DCUN1D4: variants seen among roughly 807,000 people sequenced by gnomAD.
DCUN1D4 encodes defective in cullin neddylation 1 domain containing 4.
DCUN1D4 carries 22 observed loss-of-function variants against 47.9 expected under a neutral mutation model. The ratio of observed to expected loss-of-function variants is 0.46; its 90% CI spans 0.33 to 0.66. DCUN1D4 has a LOEUF of 0.66. DCUN1D4 is among the 30% of genes least tolerant of loss of function. The probability of loss-of-function intolerance (pLI) is 0.02; values close to 1 mark genes in which losing one functional copy is unlikely to be tolerated. For missense variants in DCUN1D4, 301 were observed against 340.8 expected, an observed-to-expected ratio of 0.88 and a Z score of 0.92; for synonymous variants, 121 against 112.2, an observed-to-expected ratio of 1.08 and a Z score of -0.50.
intron 7 of DCUN1D4, among the ~76,000 whole-genome samples, chr4:51,897,202 G>A (rs1731401816): frequency 6.6e-6 from 1 of 152,016 alleles, no homozygotes; most frequent in South Asian, 2.1e-4. Context: ...TTCCACATTA[G>A]GAAGAAATAA....
At chr4:51,911,989 A>G (rs533389252) in intron 9 of DCUN1D4, among the ~76,000 whole-genome samples, 2 of 152,166 alleles carry the variant, frequency 1.3e-5, no homozygotes, top group Non-Finnish European at 2.9e-5. Context: ...CTTTCTCACA[A>G]CTTACTTTAT....
intron 7 of DCUN1D4, among the ~76,000 whole-genome samples, chr4:51,893,578 C>T (rs576831213): frequency 1.8e-3 from 275 of 152,176 alleles, no homozygotes; most frequent in African/African-American, 6.1e-3. Flanking sequence ...AAGCAGACAC[C>T]GCCACGCCCG....
rs1477445081 is a variant in DCUN1D4 at position 51,871,264 on chromosome 4, CTT to C, written c.137-3004_137-3003del. Among the ~76,000 whole-genome samples the C allele has an allele frequency of 3.9e-5, 6 of 151,996 alleles. No individual in the cohort carries two copies. The East Asian group carries it at 1.2e-3, about 29-fold the overall frequency. On this transcript the variant is annotated intron_variant, in intron 3 of 10. Coordinates refer to ENST00000334635, the MANE Select transcript of DCUN1D4 (RefSeq NM_001040402.3). ...ACACAAGAAAAAAGTATTTGTGAAA[CTT>C]TTAATAGAAAGCATTTATCAATAAG...
intron 1 of DCUN1D4, among the ~76,000 whole-genome samples, chr4:51,853,894 G>A (rs1045958135): frequency 3.3e-5 from 5 of 152,208 alleles, no homozygotes; most frequent in Admixed American, 6.5e-5. Flanking sequence ...TGACATAATA[G>A]CCAATTCTTG....
Position 51,887,169 on chromosome 4 carries a change from C to T in DCUN1D4, c.414+531C>T, listed in dbSNP as rs537935649. On this transcript the variant is annotated intron_variant, in intron 6 of 10. Coordinates refer to ENST00000334635, the MANE Select transcript of DCUN1D4 (RefSeq NM_001040402.3). ...AGGCTGGAGTGCAATGGTATGATGT[C>T]GGCTCACTGCAACCTCTGCCTCCCG... The T allele has an allele frequency of 4.5e-5, 20 of 440,198 alleles. No homozygotes were observed. In the East Asian group the frequency reaches 9.4e-4, roughly 21 times the overall value. The allele number at this position is 440,198 out of a possible 1,614,324, so 27.3% of individuals were successfully genotyped here. A position where few individuals can be genotyped will look rare whatever the true frequency, so the allele number is the denominator to read the frequency against.
At chr4:51,849,170 C>A (rs956551430) in intron 1 of DCUN1D4, among the ~76,000 whole-genome samples, 1 of 152,180 alleles carries the variant, frequency 6.6e-6, no homozygotes, top group Non-Finnish European at 1.5e-5. Flanking sequence ...CCCTGGCAGG[C>A]AGATCTTCTC....
intron 9 of DCUN1D4, 111 bp from the exon 10 acceptor site, chr4:51,913,177 CAG>C (rs1256924006): frequency 3.7e-5 from 23 of 627,120 alleles, no homozygotes; most frequent in Non-Finnish European, 5.1e-5. Flanking sequence ...AAACCTCAAA[CAG>C]AAAGAGTTAA....
intron 5 of DCUN1D4, among the ~76,000 whole-genome samples, chr4:51,885,492 G>A (rs1252097693): frequency 6.6e-6 from 1 of 152,136 alleles, no homozygotes; most frequent in East Asian, 1.9e-4. Context: ...CCGTTTTAGT[G>A]AGGCAGTGTT....
rs570129352 is a variant in DCUN1D4, at chr4:51,867,158, G to A, written c.136+3449G>A. Among the ~76,000 whole-genome samples, 5 of 152,372 alleles carry A rather than the reference G, an allele frequency of 3.3e-5. No homozygotes were observed. In the South Asian group the frequency reaches 1.0e-3, roughly 32 times the overall value. On this transcript the variant is annotated intron_variant, in intron 3 of 10. Transcript: ENST00000334635. ...TCTGTGCGAGGCTGCAGCTGGACCAGATGTACTGCATGTGGCTTCCACTGT... is the reference window on the plus strand; with the variant it reads ...TCTGTGCGAGGCTGCAGCTGGACCAAATGTACTGCATGTGGCTTCCACTGT...
chr4:51,887,902 T>C (rs1729757987), intron 6 of DCUN1D4, among the ~76,000 whole-genome samples: 2 of 150,464 alleles, frequency 1.3e-5, no homozygotes, highest in Non-Finnish European at 3.0e-5. Context: ...GTTTTTTTTT[T>C]GGTTTTTTTT....
chr4:51,910,931 A>C (rs1733633253), intron 8 of DCUN1D4, 139 bp from the exon 9 acceptor site: 1 of 763,690 alleles, frequency 1.3e-6, no homozygotes, highest in African/African-American at 1.8e-5. Context: ...CCCTAACCTT[A>C]GTCTGGATGC....
intron 6 of DCUN1D4, 154 bp downstream of exon 6, chr4:51,886,792 T>C: frequency 1.7e-5 from 11 of 633,082 alleles, no homozygotes; most frequent in East Asian, 5.7e-5. Context: ...GTTTGACTTA[T>C]AAGCAGATTC....
chr4:51,885,351 C>G (rs1245956088), intron 5 of DCUN1D4, among the ~76,000 whole-genome samples: 1 of 152,130 alleles, frequency 6.6e-6, no homozygotes, highest in Admixed American at 6.5e-5. Context: ...TGGTAGTACA[C>G]TTGATAATTG....
At chr4:51,834,096 CTTCTTTCTTTTTTTTTTCT>C in the DCUN1D4 span, among the ~76,000 whole-genome samples, 1 of 43,582 alleles carries the variant, frequency 2.3e-5, no homozygotes. Flanking sequence ...CTTTTCTTTT[CTTCTTTCTTTTTTTTTTCT>C]TTTTTTTTTT....
At chr4:51,858,287 A>G (rs1011284225) in intron 1 of DCUN1D4, among the ~76,000 whole-genome samples, 37 of 152,286 alleles carry the variant, frequency 2.4e-4, no homozygotes, top group Admixed American at 1.4e-3. Context: ...CAACCATGTT[A>G]TTATTAGGGG....
upstream of DCUN1D4, among the ~76,000 whole-genome samples, chr4:51,839,687 G>A (rs1010006344): frequency 6.6e-6 from 1 of 152,230 alleles, no homozygotes; most frequent in African/African-American, 2.4e-5. Context: ...GTAATCTAAG[G>A]CCAAATTAAT....
chr4:51,848,203 A>G (rs780405828), intron 1 of DCUN1D4: 53 of 1,288,676 alleles, frequency 4.1e-5, no homozygotes, highest in African/African-American at 1.5e-5. Context: ...TCAAACATGC[A>G]GATATCAGTT....
intron 3 of DCUN1D4, among the ~76,000 whole-genome samples, chr4:51,869,918 G>T (rs1577917897): frequency 6.6e-6 from 1 of 152,136 alleles, no homozygotes; most frequent in Admixed American, 6.5e-5. Context: ...GAACCCAAAA[G>T]AAATGAATCT....
intron 1 of DCUN1D4, 24 bp downstream of exon 1, chr4:51,843,291 CGGGCCG>C (rs1560441519): frequency 1.3e-6 from 2 of 1,514,618 alleles, no homozygotes; most frequent in East Asian, 2.7e-5. Flanking sequence ...AGCCAGCCAG[CGGGCCG>C]GGGCCGGGCG....
Sources: allele counts gnomAD v4.1 joint callset (sites outside exome capture counted in the v4.1 genomes callset), GRCh38; gene constraint gnomAD v4.1.1; transcripts MANE v1.5; gene names NCBI Gene and HGNC (gene_info 2026-07-23, HGNC 2026-07-21).